ZFYVE28: variants seen among roughly 807,000 people sequenced by gnomAD.
ZFYVE28 encodes zinc finger FYVE-type containing 28, also known as lateral signaling target protein 2 homolog.
In ZFYVE28, 40 loss-of-function variants were observed where a neutral mutation model predicts 82.1. That is an observed-to-expected ratio of 0.49 (90% confidence interval 0.38 to 0.63). The LOEUF (loss-of-function observed/expected upper bound fraction) is 0.63. Among genes scored for constraint, ZFYVE28 ranks in the 30% least tolerant of loss-of-function variants. The probability of loss-of-function intolerance (pLI) is 0.00; values close to 1 mark genes in which losing one functional copy is unlikely to be tolerated. For missense variants in ZFYVE28, 1,321 were observed against 1,242.1 expected (o/e 1.06, Z -0.96); for synonymous variants, 612 against 546.1 (o/e 1.12, Z -1.68).
chr4:2,405,697 G>A (rs918049220), intron 1 of ZFYVE28, among the ~76,000 whole-genome samples: 11 of 152,338 alleles, frequency 7.2e-5, no homozygotes, highest in South Asian at 2.1e-4. Flanking sequence ...AGGTGAGGCC[G>A]ACAGCCAGCA....
At position 2,341,365 on chromosome 4, in the gene ZFYVE28, TGGAGGA is replaced by T; in HGVS notation, c.318+107_318+112del. On this transcript the variant is annotated intron_variant, in intron 3 of 12. Transcript: ENST00000290974. This position sits in a 1 kb window ranked among gnomAD's most constrained non-coding sequence, Gnocchi z 4.5. The stretch of plus-strand genomic sequence containing the variant: ...CGTAACCCAGAGTGGACGGAGCTCT[TGGAGGA>T]GACACCAGGTCCCGGCACCTGCAGG... 1 of 1,431,186 alleles carries T rather than the reference TGGAGGA, an allele frequency of 7.0e-7. No homozygotes were observed. Among genetic ancestry groups the T allele is most frequent in the Non-Finnish European group, 9.5e-7 (1 of 1,049,096 alleles). 88.7% of individuals were successfully genotyped at this position (1,431,186 alleles called of 1,614,324 possible).
chr4:2,375,359 G>A (rs1456578549), intron 1 of ZFYVE28, among the ~76,000 whole-genome samples: 3 of 152,116 alleles, frequency 2.0e-5, no homozygotes, highest in Non-Finnish European at 4.4e-5. Flanking sequence ...TCAATCAGCC[G>A]GGCCAGCATC....
intron 6 of ZFYVE28, among the ~76,000 whole-genome samples, chr4:2,322,892 A>T (rs2108839758): frequency 6.6e-6 from 1 of 152,314 alleles, no homozygotes; most frequent in South Asian, 2.1e-4. Context: ...TTCAAGGCTC[A>T]CCATGCTGTG....
At chr4:2,318,519 T>C (rs1205510616) in intron 7 of ZFYVE28, among the ~76,000 whole-genome samples, 1 of 152,214 alleles carries the variant, frequency 6.6e-6, no homozygotes, top group African/African-American at 2.4e-5. Context: ...ATCACACCAC[T>C]ACACGTGGAC....
At chr4:2,354,134 G>A in intron 1 of ZFYVE28, 61 bp from the exon 2 acceptor site, 1 of 1,408,694 alleles carries the variant, frequency 7.1e-7, no homozygotes, top group Non-Finnish European at 9.3e-7. Context: ...TGCCTCGGTT[G>A]GTTGCCTTGT....
chr4:2,285,414 C>T lies in ZFYVE28; in HGVS notation c.2052-11198G>A, dbSNP rs1712576431. On this transcript the variant is annotated intron_variant, in intron 8 of 12. Coordinates refer to ENST00000290974, the MANE Select transcript of ZFYVE28 (RefSeq NM_020972.3). ...CGCTGACCCCGCCATGGCGCCGGCC[C>T]CACTGTGGCTGCCAGGCCTTTGCAC... 3 of 152,416 alleles carry T rather than the reference C, an allele frequency of 2.0e-5. No homozygotes were observed. In the South Asian group the frequency reaches 6.2e-4, roughly 32 times the overall value. 9.4% of individuals were successfully genotyped at this position (152,416 alleles called of 1,614,324 possible).
At chr4:2,387,488 G>A (rs1729400584) in intron 1 of ZFYVE28, among the ~76,000 whole-genome samples, 1 of 152,226 alleles carries the variant, frequency 6.6e-6, no homozygotes, top group South Asian at 2.1e-4. Flanking sequence ...TCAGGGATGT[G>A]CCGCCCCACT....
Position 2,270,423 on chromosome 4 carries a change from C to T in ZFYVE28, c.*302G>A, listed in dbSNP as rs535623777. 1.1e-5 allele frequency: 5 copies of T among 441,448 alleles called. No individual in the cohort carries two copies. The highest frequency in any genetic ancestry group is 4.4e-5 in the East Asian group (1 of 22,576). The allele number at this position is 441,448 out of a possible 1,614,324, so 27.3% of individuals were successfully genotyped here. A position where few individuals can be genotyped will look rare whatever the true frequency, so the allele number is the denominator to read the frequency against. On this transcript the variant is annotated 3_prime_UTR_variant, in exon 13 of 13. Transcript: ENST00000290974. ...GATTCCCATAGCCCCAGCAGATCTC[C>T]GAGGGACCAGTGGGAGGGCCCAGGC... is the stretch of plus-strand genomic sequence containing the variant.
chr4:2,283,115 C>CCAT (rs1214554267), intron 8 of ZFYVE28, among the ~76,000 whole-genome samples: 18 of 34,156 alleles, frequency 5.3e-4, no homozygotes, highest in African/African-American at 4.8e-3. Flanking sequence ...CATCCATCCA[C>CCAT]CCACCCACCC....
chr4:2,336,570 C>G (rs564350232), intron 5 of ZFYVE28, among the ~76,000 whole-genome samples: 2 of 149,686 alleles, frequency 1.3e-5, no homozygotes, highest in South Asian at 2.1e-4. Context: ...CTGCCCCCCC[C>G]ACTCCCTAAA....
Position 2,362,351 on chromosome 4 carries a change from C to A in ZFYVE28, c.40-8278G>T, listed in dbSNP as rs1187051090. 3.3e-5 allele frequency among the ~76,000 whole-genome samples: 5 copies of A among 152,124 alleles called. No homozygotes were observed. Among genetic ancestry groups the A allele is most frequent in the Admixed American group, 3.3e-4 (5 of 15,276 alleles). Reference sequence around the variant, plus strand: ...CATCGCAAAGAAGCCAGGGAAGAGCCTCTGCCTGGGACACACAAATGCGGC... The same window carrying A: ...CATCGCAAAGAAGCCAGGGAAGAGCATCTGCCTGGGACACACAAATGCGGC... On this transcript the variant is annotated intron_variant, in intron 1 of 12. Coordinates refer to ENST00000290974, the MANE Select transcript of ZFYVE28 (RefSeq NM_020972.3). The surrounding 1 kb of genome is among the most constrained non-coding windows in gnomAD (Gnocchi z 5.1).
rs915070435 is a variant in ZFYVE28 at position 2,409,565 on chromosome 4, G to A, written c.39+8720C>T. On this transcript the variant is annotated intron_variant, in intron 1 of 12. Coordinates refer to ENST00000290974, the MANE Select transcript of ZFYVE28 (RefSeq NM_020972.3). The surrounding 1 kb of genome is among the most constrained non-coding windows in gnomAD (Gnocchi z 4.4). ...TCAGCAGCCCCCTCGCCCCCACTCC[G>A]CTGGCTGCTCGCTGTCCCTCCGATC... is the stretch of plus-strand genomic sequence containing the variant. Among the ~76,000 whole-genome samples the A allele has an allele frequency of 5.9e-5, 9 of 152,246 alleles. No homozygotes were observed. Among genetic ancestry groups the A allele is most frequent in the Middle Eastern group, 3.4e-3 (1 of 294 alleles).
intron 8 of ZFYVE28, chr4:2,295,859 G>A (rs13120062): frequency 0.39 from 59,356 of 152,360 alleles, 12,915 homozygotes; most frequent in Admixed American, 0.5. Context: ...GGGGGCGTGA[G>A]GGAGAGAGGA....
At position 2,320,130 on chromosome 4, in the gene ZFYVE28, T is replaced by G. The variant is rs755980827; in HGVS notation, c.803+40A>C. On this transcript the variant is annotated intron_variant, in intron 7 of 12. Coordinates refer to ENST00000290974, the MANE Select transcript of ZFYVE28 (RefSeq NM_020972.3). This position sits in a 1 kb window ranked among gnomAD's most constrained non-coding sequence, Gnocchi z 5.1. ...TCAGCGCCCACCTGTGGCCCTCCTG[T>G]CCCCCTCCCCTCCCCCACCTCCTCT... 6.3e-7 allele frequency: 1 copy of G among 1,586,070 alleles called. No homozygotes were observed. The highest frequency in any genetic ancestry group is 8.6e-7 in the Non-Finnish European group (1 of 1,156,588).
At chr4:2,355,241 T>TG (rs1725101693) in intron 1 of ZFYVE28, among the ~76,000 whole-genome samples, 1 of 25,568 alleles carries the variant, frequency 3.9e-5, no homozygotes, top group Non-Finnish European at 7.4e-5. Flanking sequence ...TATATATATA[T>TG]ATATATATAT....
At chr4:2,371,989 A>G (rs945938716) in intron 1 of ZFYVE28, among the ~76,000 whole-genome samples, 1 of 152,164 alleles carries the variant, frequency 6.6e-6, no homozygotes, top group South Asian at 2.1e-4. Context: ...ACAGACCCCA[A>G]CTATGACAGT....
chr4:2,404,641 GA>G (rs1315074999), intron 1 of ZFYVE28, among the ~76,000 whole-genome samples: 1 of 152,210 alleles, frequency 6.6e-6, no homozygotes, highest in Non-Finnish European at 1.5e-5. Flanking sequence ...AATCCGCAGA[GA>G]TGGAAAGCCA....
intron 1 of ZFYVE28, among the ~76,000 whole-genome samples, chr4:2,370,571 GC>G: frequency 6.6e-6 from 1 of 152,312 alleles, no homozygotes; most frequent in South Asian, 2.1e-4. Context: ...GACAGAGGTA[GC>G]CCTGGACCCA....
chr4:2,348,012 A>G (rs1276064876), intron 2 of ZFYVE28, among the ~76,000 whole-genome samples: 1 of 152,172 alleles, frequency 6.6e-6, no homozygotes, highest in African/African-American at 2.4e-5. Context: ...CAATAGAGAA[A>G]ATCAATGAAG....
Sources: gnomAD v4.1 joint callset for allele counts (sites outside exome capture counted in the v4.1 genomes callset) on GRCh38, gnomAD v4.1.1 for gene constraint, Gnocchi (gnomAD v3.1) non-coding constraint, MANE v1.5 for transcripts, NCBI Gene and HGNC (gene_info 2026-07-23, HGNC 2026-07-21) for gene names.